Variants in MAPRE2 observed in about 807,000 individuals in gnomAD.
MAPRE2 encodes microtubule-associated protein RP/EB family member 2.
In MAPRE2, 13 loss-of-function variants were observed where a neutral mutation model predicts 43.2. That is an observed-to-expected ratio of 0.30 (90% CI 0.20 to 0.48). MAPRE2 has a LOEUF of 0.48. Among genes scored for constraint, MAPRE2 ranks in the 20% least tolerant of loss-of-function variants. MAPRE2 has a pLI of 0.99. For missense variants in MAPRE2, 161 were observed against 400.2 expected (o/e 0.40, Z 5.10); for synonymous variants, 135 against 148.8 (o/e 0.91, Z 0.68).
intron 1 of MAPRE2, among the ~76,000 whole-genome samples, chr18:34,984,981 TATATTATATATAAAATATA>T: frequency 1.3e-5 from 1 of 78,152 alleles, no homozygotes; most frequent in African/African-American, 5.0e-5. Context: ...ATATATAAAA[TATATTATATATAAAATATA>T]TAATATATTT....
In MAPRE2 at chr18:34,987,875, A is replaced by C. The variant is rs145043832; in HGVS notation, c.-70+10796A>C. Among the ~76,000 whole-genome samples, 1,211 of 152,208 alleles carry C rather than the reference A, an allele frequency of 8.0e-3. 17 individuals carry two copies. The highest frequency in any genetic ancestry group is 0.028 in the African/African-American group (1,148 of 41,542). On this transcript the variant is annotated intron_variant, in intron 1 of 7. Coordinates refer to the MAPRE2 transcript ENST00000413393. Reference sequence around the variant, plus strand: ...CCAGGCTGGTCTCGAACTCCTGGGAACAAACAATCCACCCACCTCGGCCTC... The same window carrying C: ...CCAGGCTGGTCTCGAACTCCTGGGACCAAACAATCCACCCACCTCGGCCTC...
At chr18:35,040,190 G>A (rs1444974867), upstream of MAPRE2, among the ~76,000 whole-genome samples, 1 of 152,114 alleles carries the variant, frequency 6.6e-6, no homozygotes, top group Non-Finnish European at 1.5e-5. Flanking sequence ...GTGACAGAGC[G>A]AGACTCTGCC....
chr18:35,094,178 T>C (rs1908296709), intron 2 of MAPRE2, among the ~76,000 whole-genome samples: 1 of 152,222 alleles, frequency 6.6e-6, no homozygotes. Context: ...GATTTGATCA[T>C]TACACAATGT....
intron 5 of MAPRE2, among the ~76,000 whole-genome samples, chr18:35,131,134 C>T (rs764641557): frequency 3.3e-5 from 5 of 152,186 alleles, no homozygotes; most frequent in Non-Finnish European, 5.9e-5. Flanking sequence ...CCTCGTGTCA[C>T]GAACCCTCAG....
At chr18:35,038,140 G>A (rs1350706321), upstream of MAPRE2, among the ~76,000 whole-genome samples, 3 of 152,034 alleles carry the variant, frequency 2.0e-5, no homozygotes, top group Non-Finnish European at 4.4e-5. Flanking sequence ...TCCATCCTGT[G>A]GACCCACTTA....
intron 2 of MAPRE2, among the ~76,000 whole-genome samples, chr18:35,091,525 A>C (rs1274800716): frequency 2.0e-5 from 3 of 152,208 alleles, no homozygotes; most frequent in Non-Finnish European, 2.9e-5. Flanking sequence ...TCCTGCAAAA[A>C]ATACCAATGG....
intron 1 of MAPRE2, among the ~76,000 whole-genome samples, chr18:34,985,934 G>A (rs569176336): frequency 1.3e-5 from 2 of 151,420 alleles, no homozygotes; most frequent in South Asian, 4.1e-4. Context: ...AAAATAGTTA[G>A]GCTTACTATA....
chr18:35,086,031 C>T (rs1238306344), intron 2 of MAPRE2, among the ~76,000 whole-genome samples: 1 of 152,144 alleles, frequency 6.6e-6, no homozygotes, highest in Non-Finnish European at 1.5e-5. Context: ...TGCTTTTCTT[C>T]TAACCTTTCA....
chr18:35,001,103 G>A (rs1198932598), intron 1 of MAPRE2, among the ~76,000 whole-genome samples: 2 of 152,110 alleles, frequency 1.3e-5, no homozygotes, highest in Admixed American at 1.3e-4. Context: ...GACCCCATTT[G>A]TAAAAATAAA....
intron 2 of MAPRE2, among the ~76,000 whole-genome samples, chr18:35,091,996 C>T (rs1366863412): frequency 6.6e-6 from 1 of 152,208 alleles, no homozygotes; most frequent in African/African-American, 2.4e-5. Flanking sequence ...GGAAAGCAGG[C>T]ACATCTTACG....
chr18:35,047,047 C>T (rs1429182432), intron 1 of MAPRE2, among the ~76,000 whole-genome samples: 1 of 152,160 alleles, frequency 6.6e-6, no homozygotes, highest in Non-Finnish European at 1.5e-5. Context: ...TGAAACTGCT[C>T]AGGACACTCC....
intron 2 of MAPRE2, among the ~76,000 whole-genome samples, chr18:35,019,678 T>G (rs763441923): frequency 6.6e-6 from 1 of 152,084 alleles, no homozygotes; most frequent in Non-Finnish European, 1.5e-5. Flanking sequence ...TGACCATTAT[T>G]TATCCAACTT....
intron 2 of MAPRE2, among the ~76,000 whole-genome samples, chr18:35,077,779 A>G (rs1234121630): frequency 2.0e-5 from 3 of 152,098 alleles, no homozygotes; most frequent in African/African-American, 7.2e-5. Flanking sequence ...TTCTCTTCTG[A>G]TTTTGTCTCT....
chr18:35,080,247 C>T (rs1198487106), intron 2 of MAPRE2, among the ~76,000 whole-genome samples: 1 of 152,146 alleles, frequency 6.6e-6, no homozygotes, highest in Admixed American at 6.5e-5. Context: ...TTTATTTATT[C>T]CTGCAGTCAG....
At chr18:35,103,025 A>G (rs979302976) in intron 4 of MAPRE2, among the ~76,000 whole-genome samples, 15 of 151,324 alleles carry the variant, frequency 9.9e-5, no homozygotes, top group Non-Finnish European at 2.1e-4. Flanking sequence ...ACAGGACCAC[A>G]TAGGTGGTAA....
At chr18:34,996,127 T>C (rs2097026394) in intron 1 of MAPRE2, among the ~76,000 whole-genome samples, 1 of 152,060 alleles carries the variant, frequency 6.6e-6, no homozygotes, top group East Asian at 1.9e-4. Context: ...AAAACAGCAG[T>C]CAGGAATTTT....
intron 2 of MAPRE2, among the ~76,000 whole-genome samples, chr18:35,015,425 C>T (rs931535373): frequency 1.3e-5 from 2 of 152,084 alleles, no homozygotes; most frequent in East Asian, 1.9e-4. Flanking sequence ...CATGAAACTT[C>T]GTTGTTGCTT....
intron 1 of MAPRE2, among the ~76,000 whole-genome samples, chr18:35,044,580 C>G (rs1218181579): frequency 6.6e-6 from 1 of 152,168 alleles, no homozygotes. Flanking sequence ...TATCTAGCCC[C>G]CGTTGTTAGA....
At chr18:35,010,439 T>C (rs988766916) in intron 2 of MAPRE2, among the ~76,000 whole-genome samples, 3 of 152,202 alleles carry the variant, frequency 2.0e-5, no homozygotes, top group East Asian at 1.9e-4. Flanking sequence ...AAAGTAGAGA[T>C]GTAATACATC....
Sources: allele counts gnomAD v4.1 joint callset (sites outside exome capture counted in the v4.1 genomes callset), GRCh38; gene constraint gnomAD v4.1.1; transcripts MANE v1.5; gene names NCBI Gene and HGNC (gene_info 2026-07-23, HGNC 2026-07-21).